Variants in ATM observed in about 807,000 individuals in gnomAD.
The protein encoded by ATM is ATM serine/threonine kinase, also known as serine-protein kinase ATM.
A neutral mutation model predicts 387.0 loss-of-function variants in ATM; 308 were observed. The ratio of observed to expected loss-of-function variants is 0.80; its 90% CI spans 0.73 to 0.87. ATM has a LOEUF of 0.87. Among genes scored for constraint, ATM ranks in the 40% least tolerant of loss-of-function variants. ATM has a pLI of 0.00. For synonymous variants in ATM, 1,156 were observed against 1,187.3 expected, an observed-to-expected ratio of 0.97 and a Z score of 0.54; for missense variants, 3,312 against 3,560.9, an observed-to-expected ratio of 0.93 and a Z score of 1.78.
At chr11:108,364,956 T>C in intron 61 of ATM, 126 bp from the exon 62 acceptor site, 2 of 1,023,268 alleles carry the variant, frequency 2.0e-6, no homozygotes, top group South Asian at 1.5e-5. Flanking sequence ...GTGTGCATGA[T>C]GTTTGTTCCC....
intron 37 of ATM, among the ~76,000 whole-genome samples, chr11:108,306,706 A>G (rs1322407643): frequency 6.6e-6 from 1 of 152,242 alleles, no homozygotes; most frequent in Non-Finnish European, 1.5e-5. Flanking sequence ...TAAAATTTAA[A>G]TGGTGTATCT....
chr11:108,289,125 A>G, intron 28 of ATM, 22 bp downstream of exon 28: 1 of 1,596,072 alleles, frequency 6.3e-7, no homozygotes, highest in Non-Finnish European at 8.6e-7. Flanking sequence ...TGATGAGTTT[A>G]ATAATAGAAC....
In ATM at chr11:108,311,663, A is replaced by C. The variant is rs778984346; in HGVS notation, c.5919-748A>C. Among the ~76,000 whole-genome samples, 485 of 151,986 alleles carry C rather than the reference A, an allele frequency of 3.2e-3. 1 individual carries two copies. The highest frequency in any genetic ancestry group is 5.7e-3 in the Non-Finnish European group (388 of 67,974). The stretch of plus-strand genomic sequence containing the variant: ...CAGTGAGCCATGATTGTGCCACTGC[A>C]CTCCAGCCTAGGCGACAGAGCGAGA... On this transcript the variant is annotated intron_variant, in intron 39 of 62. Coordinates refer to ENST00000675843, the MANE Select transcript of ATM (RefSeq NM_000051.4).
chr11:108,289,617 ATTC>A lies in ATM; in HGVS notation c.4258_4260del (p.Leu1420del), dbSNP rs876659842. The A allele has an allele frequency of 5.0e-6, 8 of 1,605,266 alleles. No individual in the cohort carries two copies. The highest frequency in any genetic ancestry group is 6.8e-6 in the Non-Finnish European group (8 of 1,176,244). On this transcript the variant is annotated inframe_deletion, in exon 29 of 63. Coordinates refer to ENST00000675843, the MANE Select transcript of ATM (RefSeq NM_000051.4). The stretch of plus-strand genomic sequence containing the variant: ...TATTTTCTAGGATTCCTATCAGAAA[ATTC>A]TTCTTGCCATATGTGAGCAAGCAGC...
chr11:108,248,408 G>A (rs560555566), intron 8 of ATM, among the ~76,000 whole-genome samples: 1 of 152,212 alleles, frequency 6.6e-6, no homozygotes, highest in Non-Finnish European at 1.5e-5. Context: ...TAAAACTAAT[G>A]CATTACTTGG....
chr11:108,232,202 G>A (rs780709675), intron 4 of ATM, among the ~76,000 whole-genome samples: 43 of 152,272 alleles, frequency 2.8e-4, no homozygotes, highest in Non-Finnish European at 5.6e-4. Flanking sequence ...TATCAATGCT[G>A]GTCATGTAAG....
intron 16 of ATM, among the ~76,000 whole-genome samples, chr11:108,265,668 A>G (rs1312426038): frequency 2.7e-5 from 4 of 148,162 alleles, no homozygotes; most frequent in African/African-American, 1.0e-4. Context: ...CTGCACAGCA[A>G]AAGAAACTAC....
rs2082695767 is a variant in ATM, at chr11:108,289,945, C to A, written c.4436+144C>A. 5.7e-6 allele frequency: 4 copies of A among 702,538 alleles called. No individual in the cohort carries two copies. In the East Asian group the frequency reaches 1.1e-4, roughly 19 times the overall value. The allele number at this position is 702,538 out of a possible 1,614,324, so 43.5% of individuals were successfully genotyped here. ...CAGTCACGGCTCACTGCATCCTCAA[C>A]CTCCTGGGTTCAGATTATCCTTCCT... On this transcript the variant is annotated intron_variant, in intron 29 of 62. Transcript: ENST00000675843.
Position 108,321,364 on chromosome 11 carries a change from A to G in ATM, c.6516A>G (p.Thr2172=), listed in dbSNP as rs576254168. 1.2e-6 allele frequency: 2 copies of G among 1,614,192 alleles called. No homozygotes were observed. The highest frequency in any genetic ancestry group is 1.3e-5 in the African/African-American group (1 of 75,062). ...AGTCTGTGTATTCGCTCTATCCCAC[A>G]CTTAGCAGGTTGCAGGCCATTGGAG... The part of the protein sequence containing the change: ...SLESVYSLYP[T]LSRLQAIGEL... Residue 2172 remains threonine (T), a synonymous_variant, in exon 45 of 63, where the codon ACA becomes ACG. Transcript: ENST00000675843.
chr11:108,293,553 G>A, intron 31 of ATM, 76 bp downstream of exon 31: 1 of 1,294,136 alleles, frequency 7.7e-7, no homozygotes, highest in Non-Finnish European at 1.1e-6. Flanking sequence ...TAATGCTCTA[G>A]CAGTAAAAAA....
chr11:108,323,662 C>T (rs2136281600), intron 45 of ATM, among the ~76,000 whole-genome samples: 1 of 152,142 alleles, frequency 6.6e-6, no homozygotes, highest in African/African-American at 2.4e-5. Context: ...ACACGTACCT[C>T]ATAAATATGT....
At chr11:108,305,601 C>A (rs4988050) in intron 37 of ATM, among the ~76,000 whole-genome samples, 1 of 151,800 alleles carries the variant, frequency 6.6e-6, no homozygotes, top group Admixed American at 6.6e-5. Flanking sequence ...GAAAAAAAAC[C>A]CTTTGTATAA....
chr11:108,326,360 A>G (rs2136346167), intron 47 of ATM, 135 bp downstream of exon 47: 1 of 1,222,980 alleles, frequency 8.2e-7, no homozygotes, highest in Non-Finnish European at 1.1e-6. Flanking sequence ...TTGTAAAACT[A>G]GTCTTGAAAA....
intron 52 of ATM, among the ~76,000 whole-genome samples, chr11:108,332,324 C>T (rs1193084550): frequency 6.6e-6 from 1 of 152,006 alleles, no homozygotes; most frequent in East Asian, 1.9e-4. Flanking sequence ...CCCAGCTACT[C>T]GGGAGGCTGA....
At chr11:108,244,238 G>T in intron 6 of ATM, 120 bp downstream of exon 6, 7 of 1,158,922 alleles carry the variant, frequency 6.0e-6, no homozygotes, top group Non-Finnish European at 6.2e-6. Context: ...CATCATAACA[G>T]AACTAGTGGA....
intron 7 of ATM, 35 bp downstream of exon 7, chr11:108,245,061 T>G (rs1404831797): frequency 1.3e-6 from 2 of 1,515,310 alleles, no homozygotes; most frequent in Admixed American, 1.7e-5. Context: ...TGAATTTGCT[T>G]CTTCATTCAA....
intron 43 of ATM, 131 bp downstream of exon 43, chr11:108,317,652 T>TATATATATATATATATATAA (rs1399501257): frequency 8.5e-6 from 1 of 117,468 alleles, no homozygotes; most frequent in Non-Finnish European, 1.4e-5. Context: ...TATATATATA[T>TATATATATATATATATATAA]ACACACACAC....
At chr11:108,320,239 AT>A (rs2085105694) in intron 44 of ATM, among the ~76,000 whole-genome samples, 181 bp downstream of exon 44, 1 of 152,188 alleles carries the variant, frequency 6.6e-6, no homozygotes, top group African/African-American at 2.4e-5. Context: ...TGTTTCTGGG[AT>A]TCCAGGTTCA....
rs750093937 is a variant in ATM, at chr11:108,271,140, C to T, written c.2915C>T (p.Pro972Leu). 1.2e-6 allele frequency: 2 copies of T among 1,613,700 alleles called. No individual in the cohort carries two copies. The highest frequency in any genetic ancestry group is 1.7e-6 in the Non-Finnish European group (2 of 1,179,950). Residue 972 changes from proline (P) to leucine (L), a missense_variant, in exon 19 of 63, where the codon CCA becomes CTA. By Grantham distance (98) the Pro-to-Leu change is moderately conservative. Around this residue, in one of 4 missense-constraint regions of ATM, gnomAD observed 1,791 missense variants for 1,804.5 expected, o/e 0.99. Transcript: ENST00000675843. ...PMEDVLELLK[P>L]LSNVCSLYRR... is the part of the protein sequence containing the mutation. Reference sequence around the variant, plus strand: ...GAAGATGTTCTTGAACTTCTGAAACCACTATCGTAAGAAATTAAAACCTTA... The same window carrying T: ...GAAGATGTTCTTGAACTTCTGAAACTACTATCGTAAGAAATTAAAACCTTA...
Sources: gnomAD v4.1 joint callset for allele counts (sites outside exome capture counted in the v4.1 genomes callset) on GRCh38, gnomAD v4.1.1 for gene constraint, gnomAD v4.1.1 regional missense constraint, MANE v1.5 for transcripts, NCBI Gene and HGNC (gene_info 2026-07-23, HGNC 2026-07-21) for gene names.